MED16: variants seen among roughly 807,000 people sequenced by gnomAD.
MED16 encodes the protein mediator of RNA polymerase II transcription subunit 16.
MED16 carries 81 observed loss-of-function variants against 84.4 expected under a neutral mutation model. The observed-to-expected ratio is 0.96, with a 90% CI of 0.80 to 1.15. The LOEUF (loss-of-function observed/expected upper bound fraction) is 1.15, where lower values mean the gene tolerates loss of function less well. MED16 is among the 50% of genes most tolerant of loss of function. The pLI, the probability that MED16 is intolerant of heterozygous loss-of-function variation, is 0.00. For synonymous variants in MED16, 897 were observed against 552.2 expected (o/e 1.62, Z -8.76); for missense variants, 1,585 against 1,245.9 (o/e 1.27, Z -4.10).
At chr19:875,730 C>A (rs1433797426) in intron 9 of MED16, among the ~76,000 whole-genome samples, 3 of 152,130 alleles carry the variant, frequency 2.0e-5, no homozygotes, top group African/African-American at 4.8e-5. Context: ...ACTGGGGGTG[C>A]CCCTGCCAAG....
intron 4 of MED16, among the ~76,000 whole-genome samples, chr19:889,237 G>A (rs2036584390): frequency 6.6e-6 from 1 of 152,080 alleles, no homozygotes; most frequent in South Asian, 2.1e-4. Context: ...GAATCACAGG[G>A]AGCATAGAGA....
intron 8 of MED16, among the ~76,000 whole-genome samples, chr19:879,328 G>T (rs199591635): frequency 7.8e-6 from 1 of 128,738 alleles, no homozygotes; most frequent in African/African-American, 3.0e-5. Flanking sequence ...CCAGCCCCAC[G>T]TGCCCCAGCA....
chr19:881,326 T>G (rs117552999), intron 7 of MED16, among the ~76,000 whole-genome samples: 1 of 152,146 alleles, frequency 6.6e-6, no homozygotes, highest in African/African-American at 2.4e-5. Flanking sequence ...ACTCTTTACA[T>G]ATTAAAGAAC....
At chr19:872,718 G>C (rs1017584377) in intron 11 of MED16, among the ~76,000 whole-genome samples, 1 of 151,758 alleles carries the variant, frequency 6.6e-6, no homozygotes, top group African/African-American at 2.4e-5. Context: ...GAAGGTGGAG[G>C]TGTGGATGGA....
intron 4 of MED16, among the ~76,000 whole-genome samples, chr19:886,741 T>A (rs2036534565): frequency 6.6e-6 from 1 of 152,346 alleles, no homozygotes; most frequent in South Asian, 2.1e-4. Flanking sequence ...ATTATTGACA[T>A]ACGGAAACAT....
Position 871,226 on chromosome 19 carries a change from G to C in MED16, c.2126C>G (p.Pro709Arg). Residue 709 changes from proline (P) to arginine (R), a missense_variant, in exon 13 of 16, where the codon CCG (proline) becomes CGG (arginine). By Grantham distance (103) the Pro-to-Arg change is moderately radical. Transcript: ENST00000325464. ...CCRDEGPASE[P>R]DEALVDECCL... ...GCATTCATCCACCAGCGCCTCGTCC[G>C]GCTCGCTCGCTGGGCCCTCATCGCG... The C allele has an allele frequency of 1.3e-6, 2 of 1,542,948 alleles. No individual in the cohort carries two copies. Among genetic ancestry groups the C allele is most frequent in the Non-Finnish European group, 1.8e-6 (2 of 1,141,210 alleles).
At chr19:868,751 C>A (rs78700964) in intron 14 of MED16, 112 bp downstream of exon 14, 4 of 1,221,114 alleles carry the variant, frequency 3.3e-6, no homozygotes, top group Non-Finnish European at 4.5e-6. Context: ...CCCTCTGGGA[C>A]GTGCTCCCTC....
chr19:885,688 G>T (rs185192086), intron 5 of MED16, 82 bp downstream of exon 5: 33 of 1,500,896 alleles, frequency 2.2e-5, no homozygotes, highest in Non-Finnish European at 2.9e-5. Context: ...GGAGGCCCGC[G>T]CGGGTCTCCA....
At chr19:871,737 A>T in intron 12 of MED16, 189 bp downstream of exon 12, 1 of 698,084 alleles carries the variant, frequency 1.4e-6, no homozygotes, top group Non-Finnish European at 2.1e-6. Context: ...GGGCTCAGGC[A>T]GGACTTGTGT....
At chr19:878,304 C>G (rs1357802994) in intron 8 of MED16, among the ~76,000 whole-genome samples, 10 of 102,772 alleles carry the variant, frequency 9.7e-5, no homozygotes, top group South Asian at 3.6e-4. Flanking sequence ...TGCCCACCAG[C>G]CCCAGCCCCA....
chr19:869,098 G>A, intron 13 of MED16, 152 bp from the exon 14 acceptor site: 3 of 681,056 alleles, frequency 4.4e-6, no homozygotes, highest in East Asian at 3.1e-5. Flanking sequence ...TGAGGTGGGA[G>A]GTGCGGGACC....
intron 13 of MED16, among the ~76,000 whole-genome samples, chr19:870,550 G>C (rs2036022044): frequency 7.0e-6 from 1 of 143,370 alleles, no homozygotes; most frequent in Non-Finnish European, 1.5e-5. Flanking sequence ...AACAGAGTGA[G>C]ACCCTGTCGG....
chr19:888,774 G>C (rs73492592), intron 4 of MED16, among the ~76,000 whole-genome samples: 1 of 152,132 alleles, frequency 6.6e-6, no homozygotes, highest in African/African-American at 2.4e-5. Context: ...CGTGTACTGC[G>C]GCAATGCGCC....
At chr19:888,828 A>G (rs966733512) in intron 4 of MED16, among the ~76,000 whole-genome samples, 4 of 152,146 alleles carry the variant, frequency 2.6e-5, no homozygotes, top group Non-Finnish European at 5.9e-5. Context: ...GGGACGAGAG[A>G]AAAGATCTTG....
At chr19:871,588 G>A (rs368706996) in intron 12 of MED16, 60 of 1,595,856 alleles carry the variant, frequency 3.8e-5, no homozygotes, top group East Asian at 2.2e-4. Flanking sequence ...CCGACAAGGA[G>A]AGACAGCAAA....
chr19:889,901 G>A lies in MED16; in HGVS notation c.278-94C>T, dbSNP rs2036599155. ...AGCGCCTGGGGGAAGCCAGCCCAGT[G>A]GAGAGGTCTCGGCCCAGGTAGGGCA... On this transcript the variant is annotated intron_variant, in intron 3 of 15. Transcript: ENST00000325464. The A allele has an allele frequency of 4.9e-6, 7 of 1,441,430 alleles. No individual in the cohort carries two copies. The South Asian group carries it at 5.4e-5, about 11-fold the overall frequency. 89.3% of individuals were successfully genotyped at this position (1,441,430 alleles called of 1,614,324 possible).
In MED16 at chr19:876,967, C is replaced by A. The variant is rs371880839; in HGVS notation, c.1560+7G>T. The A allele has an allele frequency of 6.9e-5, 97 of 1,396,922 alleles. No individual in the cohort carries two copies. Among genetic ancestry groups the A allele is most frequent in the Non-Finnish European group, 8.5e-5 (90 of 1,054,720 alleles). The allele number at this position is 1,396,922 out of a possible 1,614,324, so 86.5% of individuals were successfully genotyped here. ...GCCACGGGGCCCCACCTGCCACGGG[C>A]CCCCACCTGCTGCAGGGCAGCGGTC... On this transcript the variant is annotated splice_region_variant and intron_variant, in intron 9 of 15. Transcript: ENST00000325464.
At position 873,776 on chromosome 19, in the gene MED16, C is replaced by T. The variant is rs146383901; in HGVS notation, c.1772-194G>A. Reference sequence around the variant, plus strand: ...ACTGGGAGCCCACTGCCTGCCCCCCCCCGGGGGCCGCTGTGCTCAGCACCA... The same window carrying T: ...ACTGGGAGCCCACTGCCTGCCCCCCTCCGGGGGCCGCTGTGCTCAGCACCA... On this transcript the variant is annotated intron_variant, in intron 10 of 15. Coordinates refer to ENST00000325464, the MANE Select transcript of MED16 (RefSeq NM_005481.3). 2.8e-3 allele frequency among the ~76,000 whole-genome samples: 428 copies of T among 152,252 alleles called. 3 individuals carry two copies. The highest frequency in any genetic ancestry group is 9.7e-3 in the African/African-American group (405 of 41,560).
chr19:874,330 T>A (rs1485780052), intron 10 of MED16, among the ~76,000 whole-genome samples: 1 of 152,142 alleles, frequency 6.6e-6, no homozygotes, highest in African/African-American at 2.4e-5. Flanking sequence ...GCCAGGATGA[T>A]CTCGATCTCC....
Sources: gnomAD v4.1 joint callset for allele counts (sites outside exome capture counted in the v4.1 genomes callset) on GRCh38, gnomAD v4.1.1 for gene constraint, MANE v1.5 for transcripts, NCBI Gene and HGNC (gene_info 2026-07-23, HGNC 2026-07-21) for gene names.